Variants in MEX3A observed in about 807,000 individuals in gnomAD.
The protein encoded by MEX3A is mex-3 RNA binding family member A.
Under a neutral mutation model 30.0 loss-of-function variants are expected in MEX3A, and 4 were observed. The observed-to-expected ratio is 0.13, with a 90% confidence interval of 0.07 to 0.30. The LOEUF is 0.30. MEX3A is among the 10% of genes least tolerant of loss of function. MEX3A has a pLI of 1.00. For synonymous variants in MEX3A, 335 were observed against 327.6 expected, an observed-to-expected ratio of 1.02 and a Z score of -0.24; for missense variants, 555 against 736.7, an observed-to-expected ratio of 0.75 and a Z score of 2.86.
In MEX3A at chr1:156,076,123, C is replaced by T. The variant is rs1648054937; in HGVS notation, c.*451G>A. 1 of 157,092 alleles carries T rather than the reference C, an allele frequency of 6.4e-6. No individual in the cohort carries two copies. Among genetic ancestry groups the T allele is most frequent in the Admixed American group, 6.3e-5 (1 of 15,942 alleles). The allele number at this position is 157,092 out of a possible 1,614,324, so 9.7% of individuals were successfully genotyped here. A position where few individuals can be genotyped will look rare whatever the true frequency, so the allele number is the denominator to read the frequency against. ...CATGTTAGGAGGTCGGAGGTCAGGACCAGAGGGCTTAGGGATTGCAAAGAG... is the reference window on the plus strand; with the variant it reads ...CATGTTAGGAGGTCGGAGGTCAGGATCAGAGGGCTTAGGGATTGCAAAGAG... On this transcript the variant is annotated 3_prime_UTR_variant, in exon 2 of 2. Coordinates refer to ENST00000532414, the MANE Select transcript of MEX3A (RefSeq NM_001093725.2). This position sits in a 1 kb window ranked among gnomAD's most constrained non-coding sequence, Gnocchi z 6.0.
Position 156,076,515 on chromosome 1 carries a change from G to A in MEX3A, c.*59C>T. ...TCACCGCTTTCCAAAAGGCTTTAGT[G>A]GAAAACAGGTCCAGGGTGGGCCCAG... On this transcript the variant is annotated 3_prime_UTR_variant, in exon 2 of 2. Transcript: ENST00000532414. The surrounding 1 kb of genome is among the most constrained non-coding windows in gnomAD (Gnocchi z 6.0). The A allele has an allele frequency of 1.3e-6, 2 of 1,519,928 alleles. No individual in the cohort carries two copies. The highest frequency in any genetic ancestry group is 1.8e-4 in the Middle Eastern group (1 of 5,636). The allele number at this position is 1,519,928 out of a possible 1,614,324, so 94.2% of individuals were successfully genotyped here.
In MEX3A at chr1:156,081,862, C is replaced by G; in HGVS notation, c.137G>C (p.Cys46Ser). Reference protein sequence around the residue: ...RALQLALDQLCLLGLGEPPAP... With the variant: ...RALQLALDQLSLLGLGEPPAP... ...GGGGGGCTCCCCCAAACCCAGGAGG[C>G]AGAGTTGATCGAGAGCCAGCTGAAG... is the stretch of plus-strand genomic sequence containing the variant. The change falls in exon 1 of 2, where the codon TGC (cysteine) becomes TCC (serine). Residue 46 changes from cysteine (C) to serine (S), a missense_variant. Physicochemically the swap from Cys to Ser is moderately radical, Grantham distance 112 (BLOSUM62 -1). Around this residue, in one of 6 missense-constraint regions of MEX3A, gnomAD observed 159 missense variants for 159.9 expected, o/e 0.99. Coordinates refer to ENST00000532414, the MANE Select transcript of MEX3A (RefSeq NM_001093725.2). The G allele has an allele frequency of 6.7e-7, 1 of 1,487,022 alleles. No individual in the cohort carries two copies. The highest frequency in any genetic ancestry group is 9.0e-7 in the Non-Finnish European group (1 of 1,114,380). 92.1% of individuals were successfully genotyped at this position (1,487,022 alleles called of 1,614,324 possible).
At position 156,076,902 on chromosome 1, in the gene MEX3A, G is replaced by C. The variant is rs1219164999; in HGVS notation, c.1235C>G (p.Ser412Cys). The change falls in exon 2 of 2, where the codon TCC (serine) becomes TGC (cysteine). Residue 412 changes from serine to cysteine, a missense_variant. Ser to Cys is a moderately radical substitution (Grantham distance 112, BLOSUM62 -1). Coordinates refer to ENST00000532414, the MANE Select transcript of MEX3A (RefSeq NM_001093725.2). The surrounding 1 kb of genome is among the most constrained non-coding windows in gnomAD (Gnocchi z 6.0). ...SVLFSSASSS[S>C]SSSAKARAGP... The stretch of plus-strand genomic sequence containing the variant: ...AGCGCGGGCCTTGGCGGAAGAGGAG[G>C]AGGAGGAGGAGGCAGAGGAGAAGAG... The C allele has an allele frequency of 6.4e-7, 1 of 1,565,940 alleles. No homozygotes were observed. The highest frequency in any genetic ancestry group is 2.4e-5 in the East Asian group (1 of 42,140).
At chr1:156,078,358 T>G (rs1648130145) in intron 1 of MEX3A, among the ~76,000 whole-genome samples, 1 of 152,014 alleles carries the variant, frequency 6.6e-6, no homozygotes, top group Non-Finnish European at 1.5e-5. Context: ...CTGACAATCA[T>G]AAGTTCAAGG....
At chr1:156,080,021 T>C (rs1648175110) in intron 1 of MEX3A, among the ~76,000 whole-genome samples, 1 of 152,134 alleles carries the variant, frequency 6.6e-6, no homozygotes, top group African/African-American at 2.4e-5. Context: ...GACTTCCATA[T>C]ACTTGACTGA....
rs147447889 is a variant in MEX3A at position 156,075,592 on chromosome 1, G to T, written c.*982C>A. On this transcript the variant is annotated 3_prime_UTR_variant, in exon 2 of 2. Transcript: ENST00000532414. ...ATTTGAGATGTTTCTTTGGAGGAGTGGGGGAGAGGGCCTCCAGATGCCTGA... is the reference window on the plus strand; with the variant it reads ...ATTTGAGATGTTTCTTTGGAGGAGTTGGGGAGAGGGCCTCCAGATGCCTGA... The T allele has an allele frequency of 1.3e-5, 2 of 152,764 alleles. No homozygotes were observed. The highest frequency in any genetic ancestry group is 2.4e-5 in the African/African-American group (1 of 41,418). 9.5% of individuals were successfully genotyped at this position (152,764 alleles called of 1,614,324 possible).
At position 156,081,777 on chromosome 1, in the gene MEX3A, G is replaced by T; in HGVS notation, c.222C>A (p.Ala74=). The T allele has an allele frequency of 2.3e-6, 2 of 860,504 alleles. No homozygotes were observed. Among genetic ancestry groups the T allele is most frequent in the Non-Finnish European group, 2.8e-6 (2 of 705,158 alleles). The allele number at this position is 860,504 out of a possible 1,614,324, so 53.3% of individuals were successfully genotyped here. ...GGGGGAPAQP[A]APPQPAPPPP... The stretch of plus-strand genomic sequence containing the variant: ...GCGGCGGGGCCGGCTGCGGGGGGGC[G>T]GCCGGCTGCGCGGGGGCGCCGCCCC... Residue 74 remains alanine (A), a synonymous_variant, in exon 1 of 2, where the codon GCC becomes GCA. Coordinates refer to ENST00000532414, the MANE Select transcript of MEX3A (RefSeq NM_001093725.2).
In MEX3A at chr1:156,074,141, A is replaced by G. The variant is rs1647993356; in HGVS notation, c.*2433T>C. The G allele has an allele frequency of 6.6e-6, 1 of 152,326 alleles. No homozygotes were observed. Among genetic ancestry groups the G allele is most frequent in the African/African-American group, 2.4e-5 (1 of 41,416 alleles). 9.4% of individuals were successfully genotyped at this position (152,326 alleles called of 1,614,324 possible). ...AAAAAAGCAACGTAAACCCAAACAT[A>G]TATTAAAAACACTTTTTTTTTTTAA... is the stretch of plus-strand genomic sequence containing the variant. On this transcript the variant is annotated 3_prime_UTR_variant, in exon 2 of 2. Coordinates refer to ENST00000532414, the MANE Select transcript of MEX3A (RefSeq NM_001093725.2).
chr1:156,076,835 TC>T lies in MEX3A; in HGVS notation c.1301del (p.Gly434AspfsTer44). 6.5e-7 allele frequency: 1 copy of T among 1,547,866 alleles called. No homozygotes were observed. Among genetic ancestry groups the T allele is most frequent in the Non-Finnish European group, 8.7e-7 (1 of 1,145,834 alleles). ...GCCTCGGGAGTCCGGCCAGCTCGGG[TC>T]CCGCGGAAGTGGCAGGGGAGCGGTG... ...GAHRSPATSA[G>X]PELAGLPRRP... On this transcript the variant is annotated frameshift_variant, in exon 2 of 2. Coordinates refer to ENST00000532414, the MANE Select transcript of MEX3A (RefSeq NM_001093725.2). LOFTEE classifies it high-confidence loss of function. The surrounding 1 kb of genome is among the most constrained non-coding windows in gnomAD (Gnocchi z 6.0).
chr1:156,082,426 C>A lies in MEX3A; in HGVS notation c.-428G>T, dbSNP rs1648287400. On this transcript the variant is annotated 5_prime_UTR_variant, in exon 1 of 2. Transcript: ENST00000532414. The stretch of plus-strand genomic sequence containing the variant: ...AGTCCGGGAGCGGCGCTCAGTGGCC[C>A]CCAATAGAGCCCAGCCCCTTCCAGC... 5.9e-6 allele frequency: 1 copy of A among 170,392 alleles called. No homozygotes were observed. The highest frequency in any genetic ancestry group is 2.4e-5 in the African/African-American group (1 of 41,572). The allele number at this position is 170,392 out of a possible 1,614,324, so 10.6% of individuals were successfully genotyped here. A position where few individuals can be genotyped will look rare whatever the true frequency, so the allele number is the denominator to read the frequency against.
Position 156,076,870 on chromosome 1 carries a change from G to GGGGCCCAGCGC in MEX3A, c.1256_1266dup (p.Pro423AlafsTer59). On this transcript the variant is annotated frameshift_variant, in exon 2 of 2. Transcript: ENST00000532414. LOFTEE classifies it high-confidence loss of function. The surrounding 1 kb of genome is among the most constrained non-coding windows in gnomAD (Gnocchi z 6.0). ...GTGGCAGGGGAGCGGTGTGCGCCCG[G>GGGGCCCAGCGC]GGGCCCAGCGCGGGCCTTGGCGGAA... The GGGGCCCAGCGC allele has an allele frequency of 6.5e-7, 1 of 1,538,648 alleles. No homozygotes were observed. The highest frequency in any genetic ancestry group is 8.8e-7 in the Non-Finnish European group (1 of 1,142,102).
Position 156,082,314 on chromosome 1 carries a change from C to T in MEX3A, c.-316G>A, listed in dbSNP as rs1648282105. Among the ~76,000 whole-genome samples, 1 of 151,826 alleles carries T rather than the reference C, an allele frequency of 6.6e-6. No individual in the cohort carries two copies. Among genetic ancestry groups the T allele is most frequent in the African/African-American group, 2.4e-5 (1 of 41,360 alleles). ...GACGGGGGGCGGGGGGCTGCAGGAT[C>T]TCTGCCCCCACCCCTCCCGCCTCGG... On this transcript the variant is annotated 5_prime_UTR_variant, in exon 1 of 2. Coordinates refer to ENST00000532414, the MANE Select transcript of MEX3A (RefSeq NM_001093725.2).
Position 156,082,045 on chromosome 1 carries a change from A to G in MEX3A, c.-47T>C, listed in dbSNP as rs1648267640. ...GAGAGAGAGGGAGAGAGAGAGAGAG[A>G]GGTGGTGGAAGGGAAAAGAGGAGAG... On this transcript the variant is annotated 5_prime_UTR_variant, in exon 1 of 2. Coordinates refer to ENST00000532414, the MANE Select transcript of MEX3A (RefSeq NM_001093725.2). 7 of 855,406 alleles carry G rather than the reference A, an allele frequency of 8.2e-6. No homozygotes were observed. Among genetic ancestry groups the G allele is most frequent in the Non-Finnish European group, 1.1e-5 (7 of 629,718 alleles). The allele number at this position is 855,406 out of a possible 1,614,324, so 53.0% of individuals were successfully genotyped here. A position where few individuals can be genotyped will look rare whatever the true frequency, so the allele number is the denominator to read the frequency against.
rs1413381902 is a variant in MEX3A, at chr1:156,081,914, G to C, written c.85C>G (p.Arg29Gly). 2 of 1,530,342 alleles carry C rather than the reference G, an allele frequency of 1.3e-6. No individual in the cohort carries two copies. Among genetic ancestry groups the C allele is most frequent in the Admixed American group, 4.1e-5 (2 of 48,596 alleles). The allele number at this position is 1,530,342 out of a possible 1,614,324, so 94.8% of individuals were successfully genotyped here. The change falls in exon 1 of 2, where the codon CGA becomes GGA. Residue 29 changes from arginine (R) to glycine (G), a missense_variant. By Grantham distance (125) the Arg-to-Gly change is moderately radical. Around this residue, in one of 6 missense-constraint regions of MEX3A, gnomAD observed 159 missense variants for 159.9 expected, o/e 0.99. Transcript: ENST00000532414. ...GCGCGCTCGTCTTCCAGCAGCCCTCGGTCCTTAGCGCTTCCCCCGAAACAT... is the reference window on the plus strand; with the variant it reads ...GCGCGCTCGTCTTCCAGCAGCCCTCCGTCCTTAGCGCTTCCCCCGAAACAT... ...LGCFGGSAKD[R>G]GLLEDERALQ... is the part of the protein sequence containing the mutation.
rs775987510 is a variant in MEX3A at position 156,077,200 on chromosome 1, T to TTGC, written c.934_936dup (p.Ala312dup). ...CAGGCGTCGGAGTAGCGGCTATCGA[T>TTGC]TGCTGCGTCGGGGCTCCCCGCCAGG... is the stretch of plus-strand genomic sequence containing the variant. On this transcript the variant is annotated inframe_insertion, in exon 2 of 2. Coordinates refer to ENST00000532414, the MANE Select transcript of MEX3A (RefSeq NM_001093725.2). The surrounding 1 kb of genome is among the most constrained non-coding windows in gnomAD (Gnocchi z 8.3). 1 of 1,613,572 alleles carries TTGC rather than the reference T, an allele frequency of 6.2e-7. No homozygotes were observed. Among genetic ancestry groups the TTGC allele is most frequent in the South Asian group, 1.1e-5 (1 of 91,084 alleles).
rs1455313387 is a variant in MEX3A, at chr1:156,082,357, C to G, written c.-359G>C. Among the ~76,000 whole-genome samples, 1 of 152,074 alleles carries G rather than the reference C, an allele frequency of 6.6e-6. No individual in the cohort carries two copies. Among genetic ancestry groups the G allele is most frequent in the Non-Finnish European group, 1.5e-5 (1 of 67,968 alleles). On this transcript the variant is annotated 5_prime_UTR_variant, in exon 1 of 2. Transcript: ENST00000532414. ...CGCCTCGGACCTGGGAGTCTCTAGC[C>G]CCCGCTGTCCAGGCGCCCCCGTTAG...
chr1:156,076,929 A>T lies in MEX3A; in HGVS notation c.1208T>A (p.Val403Glu). The change falls in exon 2 of 2, where the codon GTG becomes GAG. Residue 403 changes from valine to glutamate, a missense_variant. Physicochemically the swap from Val to Glu is moderately radical, Grantham distance 121. This residue lies in a region of MEX3A where 281 missense variants were observed against 265.1 expected (regional missense o/e 1.06). Transcript: ENST00000532414. This position sits in a 1 kb window ranked among gnomAD's most constrained non-coding sequence, Gnocchi z 6.0. ...GGAGGAGGAGGCAGAGGAGAAGAGC[A>T]CGGAGGTGGGCGTGGCGTTCTCCTG... ...AGQENATPTSVLFSSASSSSS... is the reference protein window; with the variant it reads ...AGQENATPTSELFSSASSSSS... The T allele has an allele frequency of 6.3e-7, 1 of 1,598,828 alleles. No individual in the cohort carries two copies. Among genetic ancestry groups the T allele is most frequent in the Non-Finnish European group, 8.5e-7 (1 of 1,172,892 alleles).
chr1:156,080,505 C>T (rs1449888866), intron 1 of MEX3A, among the ~76,000 whole-genome samples: 1 of 152,062 alleles, frequency 6.6e-6, no homozygotes, highest in Non-Finnish European at 1.5e-5. Flanking sequence ...TCCTCCCCCA[C>T]CCCACACCTC....
rs1647949764 is a variant in MEX3A at position 156,072,761 on chromosome 1, CA to C, written c.*3812del. The C allele has an allele frequency of 6.5e-6, 1 of 152,730 alleles. No homozygotes were observed. The allele number at this position is 152,730 out of a possible 1,614,324, so 9.5% of individuals were successfully genotyped here. ...GCAGAGGGTCAGGGTTAGGGTCACC[CA>C]AAGTCCCTGTGCCTTTCCCCAGCCT... On this transcript the variant is annotated 3_prime_UTR_variant, in exon 2 of 2. Transcript: ENST00000532414.
Sources: gnomAD v4.1 joint callset for allele counts (sites outside exome capture counted in the v4.1 genomes callset) on GRCh38, gnomAD v4.1.1 for gene constraint, gnomAD v4.1.1 regional missense constraint, Gnocchi (gnomAD v3.1) non-coding constraint, MANE v1.5 for transcripts, NCBI Gene and HGNC (gene_info 2026-07-23, HGNC 2026-07-21) for gene names.